The following ZNF385D variants were observed in gnomAD, a reference collection of about 807,000 sequenced individuals.
ZNF385D encodes zinc finger protein 659.
A neutral mutation model predicts 35.8 loss-of-function variants in ZNF385D; 15 were observed. That is an observed-to-expected ratio of 0.42 (90% CI 0.28 to 0.64). ZNF385D has a LOEUF of 0.64. Ranked by LOEUF, ZNF385D falls within the 30% of genes least tolerant of loss-of-function variation. The pLI is 0.23. For missense variants in ZNF385D, 474 were observed against 494.6 expected (o/e 0.96, Z 0.39); for synonymous variants, 212 against 186.8 (o/e 1.13, Z -1.10).
At chr3:22,078,997 A>G (rs1450798751) in intron 3 of ZNF385D, among the ~76,000 whole-genome samples, 1 of 152,064 alleles carries the variant, frequency 6.6e-6, no homozygotes, top group Non-Finnish European at 1.5e-5. Context: ...TAATTTTGGA[A>G]GGTCAAAAAC....
At chr3:21,755,419 G>C (rs991976443), upstream of ZNF385D, among the ~76,000 whole-genome samples, 1 of 152,114 alleles carries the variant, frequency 6.6e-6, no homozygotes, top group African/African-American at 2.4e-5. Context: ...TAAATACTTT[G>C]TCCTTCACAC....
intron 3 of ZNF385D, among the ~76,000 whole-genome samples, chr3:21,558,405 G>T (rs1053428328): frequency 6.6e-6 from 1 of 151,836 alleles, no homozygotes; most frequent in Non-Finnish European, 1.5e-5. Flanking sequence ...CCTTCATTTC[G>T]TTATTCACCC....
intron 4 of ZNF385D, among the ~76,000 whole-genome samples, chr3:21,447,304 T>C (rs1225983257): frequency 6.6e-6 from 1 of 152,184 alleles, no homozygotes; most frequent in East Asian, 1.9e-4. Flanking sequence ...ATTAGGAAAC[T>C]GCCTTTTCAT....
chr3:22,332,331 G>A (rs1694976703), intron 2 of ZNF385D, among the ~76,000 whole-genome samples: 1 of 152,116 alleles, frequency 6.6e-6, no homozygotes, highest in African/African-American at 2.4e-5. Context: ...TTTTCACCCA[G>A]ATGGCCTCAA....
chr3:21,980,210 T>C (rs1441110854), intron 3 of ZNF385D, among the ~76,000 whole-genome samples: 1 of 152,188 alleles, frequency 6.6e-6, no homozygotes, highest in Non-Finnish European at 1.5e-5. Flanking sequence ...ATGAGCTACC[T>C]TGTAAGTAGA....
rs532655132 is a variant in ZNF385D, at chr3:21,694,854, G to A, written c.23-29826C>T. Among the ~76,000 whole-genome samples, 185 of 152,180 alleles carry A rather than the reference G, an allele frequency of 1.2e-3. 1 individual carries two copies. Among genetic ancestry groups the A allele is most frequent in the Non-Finnish European group, 2.1e-3 (144 of 68,006 alleles). The stretch of plus-strand genomic sequence containing the variant: ...CACTGAGTCTAATTAAAACAAACAA[G>A]CAAAAAGAAGGAGAATTTTAAAAAA... On this transcript the variant is annotated intron_variant, in intron 1 of 7. Transcript: ENST00000281523.
intron 3 of ZNF385D, among the ~76,000 whole-genome samples, chr3:21,557,203 T>A (rs2062773642): frequency 6.6e-6 from 1 of 152,198 alleles, no homozygotes; most frequent in Admixed American, 6.5e-5. Flanking sequence ...GATGCTATGT[T>A]GAATAGGAGT....
At chr3:22,026,996 C>A (rs963304573) in intron 3 of ZNF385D, among the ~76,000 whole-genome samples, 1 of 152,206 alleles carries the variant, frequency 6.6e-6, no homozygotes. Context: ...TAACACATAT[C>A]CTGGTACCTG....
Position 22,240,538 on chromosome 3 carries a change from G to T in ZNF385D, c.107-71503C>A, listed in dbSNP as rs77280295. Among the ~76,000 whole-genome samples the T allele has an allele frequency of 3.8e-3, 569 of 150,950 alleles. 53 individuals carry two copies. The East Asian group carries it at 0.088, about 23-fold the overall frequency. On this transcript the variant is annotated intron_variant, in intron 2 of 5. Coordinates refer to the ZNF385D transcript ENST00000494108. ...GGACTATTGAACTCCTTTCAGATCT[G>T]TGCTTCCCCACAGCATTACCTTGAG...
At chr3:21,752,755 T>G (rs2070163542), upstream of ZNF385D, among the ~76,000 whole-genome samples, 1 of 152,170 alleles carries the variant, frequency 6.6e-6, no homozygotes, top group Admixed American at 6.5e-5. Context: ...GATATTAACT[T>G]TTTTACTCCC....
At chr3:21,753,142 A>G (rs974349517), upstream of ZNF385D, among the ~76,000 whole-genome samples, 3 of 152,208 alleles carry the variant, frequency 2.0e-5, no homozygotes, top group African/African-American at 7.2e-5. Context: ...TGTCATCTTT[A>G]TTACTAACAA....
intron 2 of ZNF385D, among the ~76,000 whole-genome samples, chr3:21,574,781 A>G (rs543134637): frequency 3.2e-4 from 48 of 152,106 alleles, no homozygotes; most frequent in Non-Finnish European, 5.6e-4. Flanking sequence ...TTCTATCCTT[A>G]TACATGTTCA....
rs898019799 is a variant in ZNF385D, at chr3:21,539,924, T to C, written c.276+24650A>G. Among the ~76,000 whole-genome samples the C allele has an allele frequency of 1.3e-5, 2 of 152,124 alleles. No homozygotes were observed. The highest frequency in any genetic ancestry group is 4.8e-5 in the African/African-American group (2 of 41,430). ...TCTATGTCTTTTTAAACCATGAAGA[T>C]AGCTAGTTAGTTTTACTTAAAATAA... On this transcript the variant is annotated intron_variant, in intron 3 of 7. Coordinates refer to ENST00000281523, the MANE Select transcript of ZNF385D (RefSeq NM_024697.3). This position sits in a 1 kb window ranked among gnomAD's most constrained non-coding sequence, Gnocchi z 4.0.
intron 3 of ZNF385D, among the ~76,000 whole-genome samples, chr3:21,827,698 C>T (rs945721924): frequency 3.3e-5 from 5 of 152,056 alleles, no homozygotes; most frequent in African/African-American, 7.2e-5. Context: ...AGTCTTGGAA[C>T]GTGGAAGGAA....
At chr3:21,928,583 AAAT>A (rs749062652) in intron 3 of ZNF385D, among the ~76,000 whole-genome samples, 119 of 152,212 alleles carry the variant, frequency 7.8e-4, no homozygotes, top group Admixed American at 1.8e-3. Context: ...AAAGGTTAAA[AAAT>A]AATAAGGCTT....
intron 1 of ZNF385D, among the ~76,000 whole-genome samples, chr3:21,670,651 C>T (rs1241498372): frequency 5.3e-4 from 1 of 1,902 alleles, no homozygotes; most frequent in Non-Finnish European, 2.0e-3. Context: ...TCCTAAGGCG[C>T]CCCCCCCCCC....
At chr3:21,752,419 T>C (rs2070145502), upstream of ZNF385D, among the ~76,000 whole-genome samples, 2 of 152,320 alleles carry the variant, frequency 1.3e-5, no homozygotes, top group South Asian at 4.1e-4. Context: ...GATTTCTACA[T>C]TTTGATATTA....
chr3:21,589,134 T>C (rs1234583543), intron 2 of ZNF385D, among the ~76,000 whole-genome samples: 2 of 152,090 alleles, frequency 1.3e-5, no homozygotes, highest in African/African-American at 2.4e-5. Context: ...TTGCAAAAGT[T>C]TGGAAAAGTA....
At chr3:21,697,357 G>A (rs1205110835) in intron 1 of ZNF385D, among the ~76,000 whole-genome samples, 2 of 152,096 alleles carry the variant, frequency 1.3e-5, no homozygotes, top group East Asian at 3.9e-4. Context: ...GTAAATAGTG[G>A]TAAGTTGAAT....
Sources: gnomAD v4.1 joint callset for allele counts (sites outside exome capture counted in the v4.1 genomes callset) on GRCh38, gnomAD v4.1.1 for gene constraint, Gnocchi (gnomAD v3.1) non-coding constraint, MANE v1.5 for transcripts, NCBI Gene and HGNC (gene_info 2026-07-23, HGNC 2026-07-21) for gene names.